RNF213: variants seen among roughly 807,000 people sequenced by gnomAD.
The protein encoded by RNF213 is ring finger protein 213, also known as E3 ubiquitin-protein ligase RNF213.
Under a neutral mutation model 514.4 loss-of-function variants are expected in RNF213, and 341 were observed. That is an observed-to-expected ratio of 0.66 (90% CI 0.61 to 0.73). The LOEUF (loss-of-function observed/expected upper bound fraction) is 0.73, where lower values mean the gene tolerates loss of function less well. RNF213 is among the 30% of genes least tolerant of loss of function. The pLI is 0.00. For missense variants in RNF213, 5,767 were observed against 6,615.6 expected, an observed-to-expected ratio of 0.87 and a Z score of 4.45; for synonymous variants, 2,655 against 2,658.2, an observed-to-expected ratio of 1.00 and a Z score of 0.04.
At chr17:80,340,597 G>A (rs2078124394) in intron 26 of RNF213, 1 of 364,228 alleles carries the variant, frequency 2.7e-6, no homozygotes, top group African/African-American at 2.2e-5. Flanking sequence ...CATCTCTGCA[G>A]TGTACTTTGT....
At chr17:80,286,574 C>T (rs1264058373) in intron 3 of RNF213, among the ~76,000 whole-genome samples, 1 of 152,070 alleles carries the variant, frequency 6.6e-6, no homozygotes, top group East Asian at 1.9e-4. Context: ...GTGATGGGAT[C>T]CTGTGGCGCT....
intron 36 of RNF213, 100 bp downstream of exon 36, chr17:80,354,676 C>A: frequency 7.0e-7 from 1 of 1,433,838 alleles, no homozygotes; most frequent in Non-Finnish European, 9.7e-7. Flanking sequence ...GGGGACTGAG[C>A]TGTTTCTTTC....
intron 56 of RNF213, 22 bp from the exon 57 acceptor site, chr17:80,381,525 C>G (rs997131419): frequency 5.0e-6 from 8 of 1,613,580 alleles, no homozygotes; most frequent in Non-Finnish European, 6.8e-6. Flanking sequence ...CCGCTGAACA[C>G]TCTGTTCCGT....
rs770666771 is a variant in RNF213 at position 80,317,138 on chromosome 17, C to T, written c.2812-50C>T. On this transcript the variant is annotated intron_variant, in intron 15 of 67. Transcript: ENST00000582970. This position sits in a 1 kb window ranked among gnomAD's most constrained non-coding sequence, Gnocchi z 4.1. ...TCTTTCTCCTTTCATGGGAGTGTGC[C>T]GTGGCATTTAGTCGTGAGAGTGGGT... 1.1e-4 allele frequency: 169 copies of T among 1,567,072 alleles called. 3 individuals carry two copies. The South Asian group carries it at 1.6e-3, about 15-fold the overall frequency.
rs189391113 is a variant in RNF213 at position 80,354,253 on chromosome 17, A to G, written c.10726+87A>G. On this transcript the variant is annotated intron_variant, in intron 35 of 67. Coordinates refer to ENST00000582970, the MANE Select transcript of RNF213 (RefSeq NM_001256071.3). ...ATCATTTCACTGTGTGTTGGGGGAC[A>G]CCCTCTCAGGTTTCCATGGCTCAGC... 1.4e-4 allele frequency: 215 copies of G among 1,530,232 alleles called. 1 individual carries two copies. In the African/African-American group the frequency reaches 2.0e-3, roughly 14 times the overall value. The allele number at this position is 1,530,232 out of a possible 1,614,324, so 94.8% of individuals were successfully genotyped here. A position where few individuals can be genotyped will look rare whatever the true frequency, so the allele number is the denominator to read the frequency against.
Position 80,344,023 on chromosome 17 carries a change from C to G in RNF213, c.6342+8C>G, listed in dbSNP as rs368452969. 6.2e-7 allele frequency: 1 copy of G among 1,610,942 alleles called. No individual in the cohort carries two copies. Among genetic ancestry groups the G allele is most frequent in the South Asian group, 1.1e-5 (1 of 90,720 alleles). ...AGGAGCTCTTCAGCGCTGGTCTGTA[C>G]TGTGGGGCGTTTTCGCCTGGCGTGG... On this transcript the variant is annotated splice_region_variant and intron_variant, in intron 28 of 67. Transcript: ENST00000582970.
At chr17:80,386,099 A>G in intron 61 of RNF213, 151 bp from the exon 62 acceptor site, 1 of 708,280 alleles carries the variant, frequency 1.4e-6, no homozygotes, top group Non-Finnish European at 2.4e-6. Flanking sequence ...AAAGCATTTG[A>G]AACTCTATCA....
chr17:80,266,429 G>GA (rs1054432531), intron 2 of RNF213, among the ~76,000 whole-genome samples: 9 of 125,858 alleles, frequency 7.2e-5, no homozygotes, highest in African/African-American at 1.3e-4. Context: ...AAAAGAAAAG[G>GA]AAAAAAAAAG....
chr17:80,261,021 C>T (rs1310769085), intron 1 of RNF213, 119 bp downstream of exon 1: 1 of 151,684 alleles, frequency 6.6e-6, no homozygotes, highest in African/African-American at 2.4e-5. Flanking sequence ...CCCTCCCGGC[C>T]GCCTCTTCCT....
intron 39 of RNF213, 96 bp downstream of exon 39, chr17:80,361,984 G>GA: frequency 4.9e-6 from 7 of 1,424,848 alleles, no homozygotes; most frequent in Non-Finnish European, 6.8e-6. Flanking sequence ...GCCTGGAGCT[G>GA]GTGCTGTGAA....
At chr17:80,278,744 A>AG in intron 3 of RNF213, 1 of 1,536,936 alleles carries the variant, frequency 6.5e-7, no homozygotes, top group Non-Finnish European at 8.7e-7. Context: ...CCCTGTCTGA[A>AG]GGGGGTCGTG....
At chr17:80,292,558 C>A (rs1343156726) in intron 8 of RNF213, among the ~76,000 whole-genome samples, 1 of 152,126 alleles carries the variant, frequency 6.6e-6, no homozygotes, top group Non-Finnish European at 1.5e-5. Flanking sequence ...AGAGCCCCGT[C>A]TGCAGGCTCC....
chr17:80,361,921 G>A lies in RNF213; in HGVS notation c.11355+33G>A, dbSNP rs561755433. ...TTTAGATACTGGCTAAGGGTCAGGT[G>A]TAGAGCTTGCATGATGGGGACTGGA... is the stretch of plus-strand genomic sequence containing the variant. On this transcript the variant is annotated intron_variant, in intron 39 of 67. Transcript: ENST00000582970. The A allele has an allele frequency of 2.4e-4, 383 of 1,602,966 alleles. 3 individuals are homozygous for A. In the South Asian group the frequency reaches 4.0e-3, roughly 17 times the overall value.
At chr17:80,392,377 T>C (rs1020459076) in intron 67 of RNF213, among the ~76,000 whole-genome samples, 1 of 152,224 alleles carries the variant, frequency 6.6e-6, no homozygotes, top group Non-Finnish European at 1.5e-5. Context: ...ACAAGGTTTT[T>C]TGAATGGTGA....
Position 80,332,201 on chromosome 17 carries a change from G to A in RNF213, c.3713G>A (p.Arg1238Gln), listed in dbSNP as rs763243455. Reference protein sequence around the residue: ...RDSHIFQLFWREAAEPLSEPK... With the variant: ...RDSHIFQLFWQEAAEPLSEPK... ...AGCCACATCTTCCAGCTCTTCTGGC[G>A]GGAAGCCGCAGAGCCGCTGAGTGAG... Residue 1238 changes from arginine to glutamine, a missense_variant, in exon 21 of 68, where the codon CGG becomes CAG. Arg to Gln is a conservative substitution (Grantham distance 43). Coordinates refer to ENST00000582970, the MANE Select transcript of RNF213 (RefSeq NM_001256071.3). 2.2e-4 allele frequency: 331 copies of A among 1,537,192 alleles called. 2 individuals carry two copies. The highest frequency in any genetic ancestry group is 2.6e-4 in the Non-Finnish European group (299 of 1,146,920).
chr17:80,346,101 C>T lies in RNF213; in HGVS notation c.7766C>T (p.Ala2589Val). ...VWDFGQLSDV[A>V]EKLYIQQIVQ... ...GACTTTGGACAACTGAGTGACGTTGCTGAAAAGCTCTACATCCAGCAGATT... is the reference window on the plus strand; with the variant it reads ...GACTTTGGACAACTGAGTGACGTTGTTGAAAAGCTCTACATCCAGCAGATT... Residue 2589 changes from alanine to valine, a missense_variant, in exon 29 of 68, where the codon GCT becomes GTT. By Grantham distance (64) the Ala-to-Val change is moderately conservative (BLOSUM62 0). Around this residue, in one of 13 missense-constraint regions of RNF213, gnomAD observed 1,377 missense variants for 1,635.2 expected, o/e 0.84. Coordinates refer to ENST00000582970, the MANE Select transcript of RNF213 (RefSeq NM_001256071.3). The surrounding 1 kb of genome is among the most constrained non-coding windows in gnomAD (Gnocchi z 8.1). 1 of 1,614,168 alleles carries T rather than the reference C, an allele frequency of 6.2e-7. No homozygotes were observed. The highest frequency in any genetic ancestry group is 8.5e-7 in the Non-Finnish European group (1 of 1,180,032).
chr17:80,298,567 C>A, intron 11 of RNF213, 49 bp downstream of exon 11: 2 of 1,607,024 alleles, frequency 1.2e-6, no homozygotes, highest in Non-Finnish European at 1.7e-6. Context: ...AAGACTGACT[C>A]CTACATTGTG....
At chr17:80,333,523 A>G (rs1319260335) in intron 21 of RNF213, among the ~76,000 whole-genome samples, 3 of 151,514 alleles carry the variant, frequency 2.0e-5, no homozygotes, top group Non-Finnish European at 2.9e-5. Flanking sequence ...GAGAAACCCC[A>G]TCTCTACTAA....
At chr17:80,333,672 C>T (rs1473546000) in intron 21 of RNF213, among the ~76,000 whole-genome samples, 7 of 149,482 alleles carry the variant, frequency 4.7e-5, no homozygotes, top group African/African-American at 9.9e-5. Flanking sequence ...CCAGCCTGGG[C>T]GACAGAGTGA....
Sources: gnomAD v4.1 joint callset for allele counts (sites outside exome capture counted in the v4.1 genomes callset) on GRCh38, gnomAD v4.1.1 for gene constraint, gnomAD v4.1.1 regional missense constraint, Gnocchi (gnomAD v3.1) non-coding constraint, MANE v1.5 for transcripts, NCBI Gene and HGNC (gene_info 2026-07-23, HGNC 2026-07-21) for gene names.